Variants in CSRNP3 observed in about 807,000 individuals in gnomAD.
CSRNP3 encodes cysteine/serine-rich nuclear protein 3.
CSRNP3 carries 12 observed loss-of-function variants against 48.0 expected under a neutral mutation model. The observed-to-expected ratio is 0.25, with a 90% CI of 0.16 to 0.41. CSRNP3 has a LOEUF of 0.41. Ranked by LOEUF, CSRNP3 falls within the 10% of genes least tolerant of loss-of-function variation. The probability of loss-of-function intolerance (pLI) is 1.00; values close to 1 mark genes in which losing one functional copy is unlikely to be tolerated. For synonymous variants in CSRNP3, 263 were observed against 269.7 expected (o/e 0.98, Z 0.24); for missense variants, 580 against 724.4 (o/e 0.80, Z 2.29).
At chr2:165,524,093 A>G (rs559692759) in intron 3 of CSRNP3, among the ~76,000 whole-genome samples, 1 of 152,328 alleles carries the variant, frequency 6.6e-6, no homozygotes, top group East Asian at 1.9e-4. Context: ...ATCCAAAACC[A>G]TACATGTGAT....
At chr2:165,475,130 T>C (rs538110706) in intron 1 of CSRNP3, among the ~76,000 whole-genome samples, 1 of 152,238 alleles carries the variant, frequency 6.6e-6, no homozygotes, top group East Asian at 1.9e-4. Context: ...GTAATACTGG[T>C]TGTGATGGTG....
intron 4 of CSRNP3, among the ~76,000 whole-genome samples, chr2:165,613,981 C>T (rs1686186494): frequency 6.6e-6 from 1 of 151,650 alleles, no homozygotes; most frequent in East Asian, 1.9e-4. Context: ...TTGTAAATTG[C>T]TTTGAGTAGT....
rs1166776718 is a variant in CSRNP3 at position 165,595,594 on chromosome 2, T to C, written c.148+381T>C. On this transcript the variant is annotated intron_variant, in intron 4 of 6. Coordinates refer to ENST00000651982, the MANE Select transcript of CSRNP3 (RefSeq NM_001172173.2). ...CTGGGAGAAAACATTTTAAAAGGCA[T>C]TATTAAGGAATGGAGAGTCTAGATT... 2.0e-5 allele frequency among the ~76,000 whole-genome samples: 3 copies of C among 152,070 alleles called. No individual in the cohort carries two copies. The East Asian group carries it at 5.8e-4, about 29-fold the overall frequency.
chr2:165,607,141 G>A (rs1319971490), intron 4 of CSRNP3, among the ~76,000 whole-genome samples: 1 of 151,824 alleles, frequency 6.6e-6, no homozygotes, highest in Non-Finnish European at 1.5e-5. Context: ...TCCTTACCAC[G>A]CCTTCGTGCC....
chr2:165,484,389 C>T (rs560337594), intron 1 of CSRNP3, among the ~76,000 whole-genome samples: 128 of 152,096 alleles, frequency 8.4e-4, no homozygotes, highest in Non-Finnish European at 1.4e-3. Flanking sequence ...TTTTAAAAAC[C>T]TAATAAGGTA....
At chr2:165,481,061 T>C (rs2105448656) in intron 1 of CSRNP3, among the ~76,000 whole-genome samples, 1 of 152,008 alleles carries the variant, frequency 6.6e-6, no homozygotes, top group South Asian at 2.1e-4. Flanking sequence ...TACTTAAAAA[T>C]AAACCAAACA....
At chr2:165,669,443 C>G (rs1435926400) in intron 5 of CSRNP3, among the ~76,000 whole-genome samples, 3 of 152,100 alleles carry the variant, frequency 2.0e-5, no homozygotes, top group Non-Finnish European at 1.5e-5. Context: ...TATGGAAGAA[C>G]TCATTCACAA....
chr2:165,496,585 C>T (rs1684286214), intron 2 of CSRNP3, among the ~76,000 whole-genome samples: 1 of 152,062 alleles, frequency 6.6e-6, no homozygotes, highest in South Asian at 2.1e-4. Context: ...CTTGGGAGCA[C>T]TCTATTCATA....
intron 4 of CSRNP3, among the ~76,000 whole-genome samples, chr2:165,636,957 T>C (rs1220757606): frequency 6.6e-6 from 1 of 152,202 alleles, no homozygotes; most frequent in Non-Finnish European, 1.5e-5. Flanking sequence ...AGCATTCCTA[T>C]TCACAATGTC....
rs770195452 is a variant in CSRNP3, at chr2:165,678,880, A to G, written c.885A>G (p.Ile295Met). ...IPTLNGCHSE[I>M]SAHSSSMGPV... is the part of the protein sequence containing the mutation. The stretch of plus-strand genomic sequence containing the variant: ...CGCTGAATGGCTGCCACAGTGAGAT[A>G]AGTGCTCACAGTAGTTCTATGGGCC... Residue 295 changes from isoleucine (I) to methionine (M), a missense_variant, in exon 7 of 7, where the codon ATA (isoleucine) becomes ATG (methionine). Around this residue, in one of 4 missense-constraint regions of CSRNP3, gnomAD observed 369 missense variants for 380.8 expected, o/e 0.97. Transcript: ENST00000651982. 1.9e-6 allele frequency: 3 copies of G among 1,613,876 alleles called. No individual in the cohort carries two copies. In the African/African-American group the frequency reaches 4.0e-5, roughly 22 times the overall value.
Position 165,599,573 on chromosome 2 carries a change from G to A in CSRNP3, c.148+4360G>A, listed in dbSNP as rs78633325. Among the ~76,000 whole-genome samples, 345 of 152,302 alleles carry A rather than the reference G, an allele frequency of 2.3e-3. 1 individual carries two copies. The highest frequency in any genetic ancestry group is 7.9e-3 in the African/African-American group (329 of 41,568). ...CCCAAAGTGTCAGGATTACAGGCAAGAGCCACCATGCCCATCCTGTGATCT... is the reference window on the plus strand; with the variant it reads ...CCCAAAGTGTCAGGATTACAGGCAAAAGCCACCATGCCCATCCTGTGATCT... On this transcript the variant is annotated intron_variant, in intron 4 of 6. Coordinates refer to ENST00000651982, the MANE Select transcript of CSRNP3 (RefSeq NM_001172173.2).
intron 3 of CSRNP3, 114 bp downstream of exon 3, chr2:165,518,075 T>A (rs890082584): frequency 1.3e-5 from 2 of 152,314 alleles, no homozygotes; most frequent in Admixed American, 6.6e-5. Context: ...AAAATATGTG[T>A]TTTAAACGAA....
At chr2:165,574,327 G>A in intron 3 of CSRNP3, 1 of 1,528,050 alleles carries the variant, frequency 6.5e-7, no homozygotes, top group Non-Finnish European at 8.9e-7. Flanking sequence ...AATGTACTGG[G>A]GTTCTCTGCA....
chr2:165,559,796 C>CTTTTTTTTT (rs11313094), intron 3 of CSRNP3, among the ~76,000 whole-genome samples: 723 of 98,354 alleles, frequency 7.4e-3, no homozygotes, highest in Non-Finnish European at 9.3e-3. Flanking sequence ...TTCTTTCTTT[C>CTTTTTTTTT]TTTTTTTTTT....
chr2:165,638,390 G>A (rs1302649183), intron 4 of CSRNP3, among the ~76,000 whole-genome samples: 3 of 152,090 alleles, frequency 2.0e-5, no homozygotes, highest in Non-Finnish European at 4.4e-5. Context: ...GAACCCAGGT[G>A]GCGGATATTG....
chr2:165,556,186 G>T (rs1001213324), intron 3 of CSRNP3, among the ~76,000 whole-genome samples: 15 of 152,130 alleles, frequency 9.9e-5, no homozygotes, highest in Admixed American at 7.2e-4. Flanking sequence ...CAAATTAGGG[G>T]TAGGGAAGGA....
chr2:165,680,228 T>C lies in CSRNP3; in HGVS notation c.*475T>C, dbSNP rs1687511101. The C allele has an allele frequency of 6.5e-6, 1 of 154,990 alleles. No homozygotes were observed. Among genetic ancestry groups the C allele is most frequent in the Admixed American group, 6.4e-5 (1 of 15,678 alleles). The allele number at this position is 154,990 out of a possible 1,614,324, so 9.6% of individuals were successfully genotyped here. A position where few individuals can be genotyped will look rare whatever the true frequency, so the allele number is the denominator to read the frequency against. On this transcript the variant is annotated 3_prime_UTR_variant, in exon 7 of 7. Coordinates refer to ENST00000651982, the MANE Select transcript of CSRNP3 (RefSeq NM_001172173.2). ...TGTTCCATGTGTATTTTATTTATGG[T>C]AGTTTAGAAGACATGTTTTGATGAA...
chr2:165,514,656 C>A (rs2105229562), intron 2 of CSRNP3, among the ~76,000 whole-genome samples: 1 of 152,340 alleles, frequency 6.6e-6, no homozygotes, highest in Non-Finnish European at 1.5e-5. Context: ...CATTAAGCAC[C>A]AGATCCCCAA....
intron 3 of CSRNP3, among the ~76,000 whole-genome samples, chr2:165,559,923 C>T (rs762381616): frequency 7.3e-5 from 11 of 151,358 alleles, no homozygotes; most frequent in Non-Finnish European, 1.3e-4. Flanking sequence ...TCTCAGCCTC[C>T]TGAGTAGCTG....
Sources: allele counts gnomAD v4.1 joint callset (sites outside exome capture counted in the v4.1 genomes callset), GRCh38; gene constraint gnomAD v4.1.1; regional missense constraint gnomAD v4.1.1; transcripts MANE v1.5; gene names NCBI Gene and HGNC (gene_info 2026-07-23, HGNC 2026-07-21).